Variants in SPATA16 observed in about 807,000 individuals in gnomAD.
The protein encoded by SPATA16 is spermatogenesis associated 16, also known as spermatogenesis-associated protein 16.
Under a neutral mutation model 63.3 loss-of-function variants are expected in SPATA16, and 36 were observed. That is an observed-to-expected ratio of 0.57 (90% CI 0.44 to 0.75). The LOEUF (loss-of-function observed/expected upper bound fraction) is 0.75, where lower values mean the gene tolerates loss of function less well. Ranked by LOEUF, SPATA16 falls within the 30% of genes least tolerant of loss-of-function variation. The probability of loss-of-function intolerance (pLI) is 0.00; values close to 1 mark genes in which losing one functional copy is unlikely to be tolerated. For missense variants in SPATA16, 646 were observed against 679.3 expected (o/e 0.95, Z 0.54); for synonymous variants, 203 against 216.7 (o/e 0.94, Z 0.56).
intron 3 of SPATA16, among the ~76,000 whole-genome samples, chr3:173,030,994 A>G (rs548151091): frequency 6.6e-6 from 1 of 152,240 alleles, no homozygotes; most frequent in African/African-American, 2.4e-5. Context: ...GAAATACTGT[A>G]TGTTTCCATT....
At chr3:172,990,841 G>A (rs1214895717) in intron 4 of SPATA16, among the ~76,000 whole-genome samples, 5 of 152,076 alleles carry the variant, frequency 3.3e-5, no homozygotes. Flanking sequence ...CCCCTTTTCT[G>A]TTTGGACCAG....
chr3:172,960,904 T>TTCTTTCTTTCTTTCTTTCTTTCTTC, intron 5 of SPATA16, among the ~76,000 whole-genome samples: 1 of 148,374 alleles, frequency 6.7e-6, no homozygotes, highest in African/African-American at 2.6e-5. Flanking sequence ...CTTCCTTCCT[T>TTCTTTCTTTCTTTCTTTCTTTCTTC]CCTCCCTCCC....
intron 6 of SPATA16, among the ~76,000 whole-genome samples, chr3:172,953,907 G>T (rs1156956231): frequency 2.6e-5 from 4 of 152,184 alleles, no homozygotes; most frequent in African/African-American, 9.6e-5. Context: ...GGATGAGACA[G>T]AATATATTTT....
At chr3:172,998,912 A>T (rs1454519274) in intron 4 of SPATA16, among the ~76,000 whole-genome samples, 1 of 152,124 alleles carries the variant, frequency 6.6e-6, no homozygotes, top group Admixed American at 6.5e-5. Flanking sequence ...ATAAAGGAGT[A>T]TGATTCTTTT....
At position 173,049,039 on chromosome 3, in the gene SPATA16, A is replaced by G. The variant is rs766984956; in HGVS notation, c.668T>C (p.Ile223Thr). The change falls in exon 3 of 11, where the codon ATA becomes ACA. Residue 223 changes from isoleucine to threonine, a missense_variant. Transcript: ENST00000351008. Reference sequence around the variant, plus strand: ...CTCAATGAAACTTGCCACGCTTGCTATATCTTCAGCAGGTGCATCAAATGG... The same window carrying G: ...CTCAATGAAACTTGCCACGCTTGCTGTATCTTCAGCAGGTGCATCAAATGG... Reference protein sequence around the residue: ...GEPFDAPAEDIASVASFIETK... With the variant: ...GEPFDAPAEDTASVASFIETK... 2.9e-5 allele frequency: 47 copies of G among 1,613,712 alleles called. No homozygotes were observed. Among genetic ancestry groups the G allele is most frequent in the Middle Eastern group, 1.6e-4 (1 of 6,080 alleles).
chr3:173,072,709 T>C lies in SPATA16; in HGVS notation c.613-23615A>G, dbSNP rs565300259. Among the ~76,000 whole-genome samples the C allele has an allele frequency of 6.8e-4, 103 of 152,314 alleles. 1 individual carries two copies. Among genetic ancestry groups the C allele is most frequent in the African/African-American group, 2.5e-3 (102 of 41,562 alleles). On this transcript the variant is annotated intron_variant, in intron 2 of 10. Transcript: ENST00000351008. ...CTTTTTCTTTATAAATCACCCAGTC[T>C]CAGGCATGTATTTATCAGCAGCATG...
intron 4 of SPATA16, among the ~76,000 whole-genome samples, chr3:172,994,679 C>T (rs1476895504): frequency 1.3e-5 from 2 of 152,064 alleles, no homozygotes; most frequent in South Asian, 2.1e-4. Context: ...GGTAATTAAT[C>T]TGGAAAGAGA....
At chr3:173,088,007 C>CATCT (rs1553801607) in intron 2 of SPATA16, among the ~76,000 whole-genome samples, 3,404 of 118,340 alleles carry the variant, frequency 0.029, 235 homozygotes, top group South Asian at 0.044. Flanking sequence ...ATTTTCTTTC[C>CATCT]GTCTTTCTTT....
chr3:173,085,998 G>GTTT (rs60448093), intron 2 of SPATA16, among the ~76,000 whole-genome samples: 4 of 150,798 alleles, frequency 2.7e-5, no homozygotes, highest in African/African-American at 9.7e-5. Flanking sequence ...TCTTTCTTTT[G>GTTT]TTTTTTTTGT....
intron 3 of SPATA16, among the ~76,000 whole-genome samples, chr3:173,020,292 CAG>C (rs1735296565): frequency 7.0e-6 from 1 of 143,394 alleles, no homozygotes; most frequent in Non-Finnish European, 1.5e-5. Context: ...GACTTCGTCT[CAG>C]AAAAAAAAAA....
intron 3 of SPATA16, among the ~76,000 whole-genome samples, chr3:173,031,885 C>T (rs1314942088): frequency 6.6e-6 from 1 of 151,986 alleles, no homozygotes; most frequent in Non-Finnish European, 1.5e-5. Context: ...ATTTAATTTA[C>T]ATTGAGAAAA....
intron 6 of SPATA16, among the ~76,000 whole-genome samples, chr3:172,940,832 A>C (rs1352348233): frequency 1.3e-5 from 2 of 152,072 alleles, no homozygotes; most frequent in African/African-American, 4.8e-5. Context: ...GCATACAAAA[A>C]ATTAGCTGGG....
chr3:172,913,390 A>G (rs1414864084), intron 10 of SPATA16, among the ~76,000 whole-genome samples: 2 of 152,168 alleles, frequency 1.3e-5, no homozygotes, highest in Admixed American at 1.3e-4. Context: ...GAAGGCGCAG[A>G]TAATGAAAAT....
At chr3:173,080,987 G>C (rs1405445001) in intron 2 of SPATA16, among the ~76,000 whole-genome samples, 3 of 152,156 alleles carry the variant, frequency 2.0e-5, no homozygotes, top group Admixed American at 2.0e-4. Context: ...CAAGTGCTCT[G>C]TTGTAAAATT....
intron 2 of SPATA16, among the ~76,000 whole-genome samples, chr3:173,099,872 C>G (rs1421086301): frequency 6.6e-6 from 1 of 152,150 alleles, no homozygotes; most frequent in African/African-American, 2.4e-5. Context: ...CTAGCTTCAG[C>G]TAAGCCTCTG....
intron 10 of SPATA16, among the ~76,000 whole-genome samples, chr3:172,890,628 T>A (rs987856342): frequency 6.6e-6 from 1 of 152,118 alleles, no homozygotes; most frequent in African/African-American, 2.4e-5. Flanking sequence ...GCTTGATTTA[T>A]CATTCAGAGT....
chr3:173,045,306 C>T (rs769519208), intron 3 of SPATA16, among the ~76,000 whole-genome samples: 1 of 151,940 alleles, frequency 6.6e-6, no homozygotes, highest in African/African-American at 2.4e-5. Flanking sequence ...AAAAATAAAC[C>T]GAACAAAAAG....
intron 2 of SPATA16, among the ~76,000 whole-genome samples, chr3:173,077,926 T>G (rs1366305718): frequency 6.6e-6 from 1 of 152,178 alleles, no homozygotes; most frequent in Non-Finnish European, 1.5e-5. Context: ...TATTTCTACC[T>G]TAATATTTTG....
At chr3:173,011,898 C>T (rs758960050) in intron 4 of SPATA16, among the ~76,000 whole-genome samples, 1 of 152,112 alleles carries the variant, frequency 6.6e-6, no homozygotes, top group Non-Finnish European at 1.5e-5. Context: ...ATTCCAGCCT[C>T]GAACTCCTGG....
Sources: allele counts gnomAD v4.1 joint callset (sites outside exome capture counted in the v4.1 genomes callset), GRCh38; gene constraint gnomAD v4.1.1; transcripts MANE v1.5; gene names NCBI Gene and HGNC (gene_info 2026-07-23, HGNC 2026-07-21).